Variants in GRIK2 observed in about 807,000 individuals in gnomAD.
The protein encoded by GRIK2 is glutamate receptor ionotropic, kainate 2.
Under a neutral mutation model 100.3 loss-of-function variants are expected in GRIK2, and 32 were observed. That is an observed-to-expected ratio of 0.32 (90% CI 0.24 to 0.43). The LOEUF (loss-of-function observed/expected upper bound fraction) is 0.43, where lower values mean the gene tolerates loss of function less well. Ranked by LOEUF, GRIK2 falls within the 20% of genes least tolerant of loss-of-function variation. The pLI, the probability that GRIK2 is intolerant of heterozygous loss-of-function variation, is 1.00. For synonymous variants in GRIK2, 417 were observed against 389.4 expected (o/e 1.07, Z -0.83); for missense variants, 843 against 1,114.9 (o/e 0.76, Z 3.47).
At position 101,451,149 on chromosome 6, in the gene GRIK2, C is replaced by T. The variant is rs368169397; in HGVS notation, c.115+51757C>T. On this transcript the variant is annotated intron_variant, in intron 2 of 16. Transcript: ENST00000369134. ...CAGTCTTCTCAAACTCCTTATCCTG[C>T]GGAAATTCTACTTAATCTTTATGTT... Among the ~76,000 whole-genome samples, 49 of 151,760 alleles carry T rather than the reference C, an allele frequency of 3.2e-4. No homozygotes were observed. In the East Asian group the frequency reaches 8.7e-3, roughly 27 times the overall value.
chr6:101,860,200 A>G (rs1308885113), intron 11 of GRIK2, among the ~76,000 whole-genome samples: 1 of 152,120 alleles, frequency 6.6e-6, no homozygotes. Flanking sequence ...ACTTTTAAAA[A>G]GTATAATTTA....
At chr6:101,880,872 A>G (rs1473392341) in intron 11 of GRIK2, among the ~76,000 whole-genome samples, 1 of 151,968 alleles carries the variant, frequency 6.6e-6, no homozygotes. Flanking sequence ...AATTGTTTCA[A>G]TTAAAATATA....
chr6:101,487,506 TTTCTA>T (rs1480896108), intron 2 of GRIK2, among the ~76,000 whole-genome samples: 2 of 147,012 alleles, frequency 1.4e-5, no homozygotes, highest in African/African-American at 2.6e-5. Context: ...GGATACTTGT[TTTCTA>T]TTCTTTTGAC....
chr6:101,938,867 C>T (rs947665497), intron 14 of GRIK2, among the ~76,000 whole-genome samples: 8 of 151,994 alleles, frequency 5.3e-5, no homozygotes, highest in African/African-American at 1.9e-4. Flanking sequence ...TGTACTTTTA[C>T]ATTTCCTGAT....
At chr6:101,515,389 A>AT (rs759008561) in intron 2 of GRIK2, among the ~76,000 whole-genome samples, 17 of 152,066 alleles carry the variant, frequency 1.1e-4, no homozygotes, top group Non-Finnish European at 1.9e-4. Flanking sequence ...ATGTACAAGT[A>AT]TTTTTTAAGA....
chr6:101,761,804 C>T (rs1294005835), intron 7 of GRIK2, among the ~76,000 whole-genome samples: 6 of 120,630 alleles, frequency 5.0e-5, no homozygotes, highest in African/African-American at 1.6e-4. Flanking sequence ...TTCCTTTCTT[C>T]CTTCCTTCCT....
In GRIK2 at chr6:101,659,795, G is replaced by C. The variant is rs1003520576; in HGVS notation, c.542-16828G>C. Among the ~76,000 whole-genome samples, 14 of 152,080 alleles carry C rather than the reference G, an allele frequency of 9.2e-5. 1 individual carries two copies. The highest frequency in any genetic ancestry group is 3.4e-4 in the African/African-American group (14 of 41,392). On this transcript the variant is annotated intron_variant, in intron 4 of 16. Coordinates refer to ENST00000369134, the MANE Select transcript of GRIK2 (RefSeq NM_021956.5). ...TTTTCTTTAAGAATGCTGAATATTG[G>C]CCCCCACTCTCTTCTGGCTTGTAGG...
chr6:101,496,374 A>C (rs1170145789), intron 2 of GRIK2, among the ~76,000 whole-genome samples: 1 of 152,240 alleles, frequency 6.6e-6, no homozygotes, highest in African/African-American at 2.4e-5. Context: ...CTTTGGAAGT[A>C]TGCCTGTAAC....
chr6:101,575,784 A>C (rs1476153411), intron 2 of GRIK2, among the ~76,000 whole-genome samples: 2 of 152,050 alleles, frequency 1.3e-5, no homozygotes, highest in Non-Finnish European at 2.9e-5. Flanking sequence ...CTTTGCATTA[A>C]TTGTCTTAAA....
chr6:101,755,161 GTTTTT>G (rs1157640683), intron 7 of GRIK2, among the ~76,000 whole-genome samples: 8 of 102,956 alleles, frequency 7.8e-5, no homozygotes, highest in African/African-American at 3.1e-4. Flanking sequence ...TTTCTTTTTG[GTTTTT>G]TTTTTTTTTT....
chr6:101,888,920 TA>T (rs1463791567), intron 11 of GRIK2, among the ~76,000 whole-genome samples: 1 of 152,182 alleles, frequency 6.6e-6, no homozygotes, highest in Non-Finnish European at 1.5e-5. Context: ...CAGATGATTA[TA>T]ACCTGGTGAG....
At chr6:101,596,616 G>T (rs908471680) in intron 2 of GRIK2, among the ~76,000 whole-genome samples, 11 of 151,746 alleles carry the variant, frequency 7.2e-5, no homozygotes, top group African/African-American at 2.4e-4. Context: ...TCTAGATTTA[G>T]ATTAGAGTTA....
intron 2 of GRIK2, among the ~76,000 whole-genome samples, chr6:101,591,739 CAATT>C (rs1227629894): frequency 1.3e-5 from 2 of 151,858 alleles, no homozygotes; most frequent in East Asian, 1.9e-4. Context: ...AACAGAATAA[CAATT>C]AACCTTAATT....
At chr6:101,749,879 C>A (rs934240887) in intron 7 of GRIK2, among the ~76,000 whole-genome samples, 1 of 133,798 alleles carries the variant, frequency 7.5e-6, no homozygotes, top group Admixed American at 8.5e-5. Flanking sequence ...GTGGCTCAAT[C>A]TCGGCTCACC....
In GRIK2 at chr6:101,923,644, G is replaced by A. The variant is rs537977339; in HGVS notation, c.1749-957G>A. On this transcript the variant is annotated intron_variant, in intron 12 of 16. Transcript: ENST00000369134. ...GCTTCTAAAACTGCTTTGATGGCTC[G>A]GCGCGGTGGCTCACGCCTGTAATCC... Among the ~76,000 whole-genome samples, 5 of 152,084 alleles carry A rather than the reference G, an allele frequency of 3.3e-5. No individual in the cohort carries two copies. The South Asian group carries it at 6.2e-4, about 19-fold the overall frequency.
At chr6:101,457,469 G>A (rs10457930) in intron 2 of GRIK2, among the ~76,000 whole-genome samples, 3,524 of 152,010 alleles carry the variant, frequency 0.023, 56 homozygotes, top group Non-Finnish European at 0.036. Flanking sequence ...TTTCACATCC[G>A]TATGTAATCT....
intron 4 of GRIK2, among the ~76,000 whole-genome samples, chr6:101,643,835 A>C (rs935191808): frequency 6.6e-6 from 1 of 151,728 alleles, no homozygotes; most frequent in African/African-American, 2.4e-5. Flanking sequence ...TATTTTTAAA[A>C]CCAAGGAAAT....
chr6:101,459,119 T>A (rs928040613), intron 2 of GRIK2, among the ~76,000 whole-genome samples: 10 of 144,042 alleles, frequency 6.9e-5, no homozygotes, highest in Non-Finnish European at 1.4e-4. Flanking sequence ...TTTTTTTTTT[T>A]AATGTGGTTT....
chr6:101,608,410 GTTC>G (rs570979332), intron 2 of GRIK2, among the ~76,000 whole-genome samples: 1 of 151,914 alleles, frequency 6.6e-6, no homozygotes, highest in Admixed American at 6.6e-5. Context: ...ATTAAAAATA[GTTC>G]TTCTATGAAT....
Sources: allele counts gnomAD v4.1 joint callset (sites outside exome capture counted in the v4.1 genomes callset), GRCh38; gene constraint gnomAD v4.1.1; transcripts MANE v1.5; gene names NCBI Gene and HGNC (gene_info 2026-07-23, HGNC 2026-07-21).